Variants in VPS52 observed in about 807,000 individuals in gnomAD.
The protein encoded by VPS52 is VPS52 subunit of GARP complex.
In VPS52, 56 loss-of-function variants were observed where a neutral mutation model predicts 98.7. The ratio of observed to expected loss-of-function variants is 0.57; its 90% confidence interval spans 0.46 to 0.71. The LOEUF is 0.71. Among genes scored for constraint, VPS52 ranks in the 30% least tolerant of loss-of-function variants. The pLI is 0.00. For missense variants in VPS52, 742 were observed against 925.9 expected (o/e 0.80, Z 2.58); for synonymous variants, 348 against 346.4 (o/e 1.00, Z -0.05).
Position 33,250,596 on chromosome 6 carries a change from G to C in VPS52, c.*245C>G. 1 of 520,874 alleles carries C rather than the reference G, an allele frequency of 1.9e-6. No individual in the cohort carries two copies. The highest frequency in any genetic ancestry group is 3.4e-6 in the Non-Finnish European group (1 of 296,764). The allele number at this position is 520,874 out of a possible 1,614,324, so 32.3% of individuals were successfully genotyped here. ...GTGACAGACTGGAGAAATGATAAAG[G>C]CCATTTTGGAAGCCCACAGGGAAGT... On this transcript the variant is annotated 3_prime_UTR_variant, in exon 20 of 20. Transcript: ENST00000445902.
At chr6:33,263,286 C>G (rs1763853529) in intron 17 of VPS52, among the ~76,000 whole-genome samples, 198 bp downstream of exon 17, 1 of 142,784 alleles carries the variant, frequency 7.0e-6, no homozygotes, top group African/African-American at 2.7e-5. Flanking sequence ...AAAAAAAAAC[C>G]AAAGACAAAA....
rs1258226904 is a variant in VPS52, at chr6:33,264,045, G to A, written c.1583C>T (p.Pro528Leu). 6.2e-7 allele frequency: 1 copy of A among 1,614,232 alleles called. No individual in the cohort carries two copies. Among genetic ancestry groups the A allele is most frequent in the South Asian group, 1.1e-5 (1 of 91,092 alleles). ...SALVSINQTIPNERTMQLLGQ... is the reference protein window; with the variant it reads ...SALVSINQTILNERTMQLLGQ... ...CAGCAATTGCATGGTCCGTTCATTA[G>A]GAATTGTCTGGTTGATACTGACAAG... is the stretch of plus-strand genomic sequence containing the variant. The change falls in exon 15 of 20, where the codon CCT (proline) becomes CTT (leucine). Residue 528 changes from proline to leucine, a missense_variant. By Grantham distance (98) the Pro-to-Leu change is moderately conservative. Coordinates refer to ENST00000445902, the MANE Select transcript of VPS52 (RefSeq NM_022553.6).
chr6:33,257,425 A>C (rs1763114809), intron 17 of VPS52, among the ~76,000 whole-genome samples: 1 of 149,780 alleles, frequency 6.7e-6, no homozygotes, highest in Non-Finnish European at 1.5e-5. Context: ...TTTTAAACGG[A>C]GTCTCACTCT....
At chr6:33,261,030 C>T (rs1294546151) in intron 17 of VPS52, among the ~76,000 whole-genome samples, 2 of 151,678 alleles carry the variant, frequency 1.3e-5, no homozygotes, top group Non-Finnish European at 1.5e-5. Flanking sequence ...AGATTTTTCA[C>T]TTGAGGGCAG....
At chr6:33,265,001 T>A in intron 12 of VPS52, 101 bp from the exon 13 acceptor site, 2 of 1,007,194 alleles carry the variant, frequency 2.0e-6, no homozygotes, top group Non-Finnish European at 3.1e-6. Context: ...GATGATGCAC[T>A]GGACAGGACA....
At position 33,268,668 on chromosome 6, in the gene VPS52, T is replaced by G. The variant is rs1178619542; in HGVS notation, c.549-19A>C. On this transcript the variant is annotated intron_variant, in intron 6 of 19. Transcript: ENST00000445902. This position sits in a 1 kb window ranked among gnomAD's most constrained non-coding sequence, Gnocchi z 4.0. ...AATTGCCCTGGTTAGCAGGGAGGGG[T>G]GGGATGAGTTACAAGGGAGACCCAG... 1 of 1,585,718 alleles carries G rather than the reference T, an allele frequency of 6.3e-7. No individual in the cohort carries two copies. Among genetic ancestry groups the G allele is most frequent in the Non-Finnish European group, 8.5e-7 (1 of 1,171,218 alleles).
chr6:33,254,867 G>C (rs1394258963), intron 17 of VPS52: 2 of 151,704 alleles, frequency 1.3e-5, no homozygotes, highest in African/African-American at 4.8e-5. Flanking sequence ...GTAGAGATGG[G>C]GTTTCACCAT....
In VPS52 at chr6:33,256,463, C is replaced by CAAAAAAAAAAAAA. The variant is rs9280385; in HGVS notation, c.1795-4505_1795-4493dup. 6.6e-4 allele frequency among the ~76,000 whole-genome samples: 55 copies of CAAAAAAAAAAAAA among 83,732 alleles called. 2 individuals carry two copies. Among genetic ancestry groups the CAAAAAAAAAAAAA allele is most frequent in the Non-Finnish European group, 9.5e-4 (41 of 43,372 alleles). 54.9% of individuals were successfully genotyped at this position (83,732 alleles called of 152,430 possible). A position where few individuals can be genotyped will look rare whatever the true frequency, so the allele number is the denominator to read the frequency against. ...CTGAGTGACAGAGCAAAACCTGTCT[C>CAAAAAAAAAAAAA]AAAAAAAAAAAAAAAAAAAAAAAAA... On this transcript the variant is annotated intron_variant, in intron 17 of 19. Transcript: ENST00000445902.
In VPS52 at chr6:33,250,997, GA is replaced by G; in HGVS notation, c.2026-11del. The G allele has an allele frequency of 6.2e-7, 1 of 1,613,026 alleles. No homozygotes were observed. ...GCTGGGTCAGCGCTCCCTGGTCAAA[GA>G]AAGTCATTGAGGGATCAAACCGTAA... On this transcript the variant is annotated splice_polypyrimidine_tract_variant and intron_variant, in intron 19 of 19. Transcript: ENST00000445902.
chr6:33,261,206 G>A (rs942424994), intron 17 of VPS52, among the ~76,000 whole-genome samples: 1 of 152,022 alleles, frequency 6.6e-6, no homozygotes, highest in South Asian at 2.1e-4. Context: ...GGTAGCTCAC[G>A]CCTGTAATCC....
Position 33,268,704 on chromosome 6 carries a change from A to T in VPS52, c.549-55T>A. ...ACAAGGGAGACCCAGACATCCCTAA[A>T]CCAGACCCAGACCACACTCCTTACC... On this transcript the variant is annotated intron_variant, in intron 6 of 19. Coordinates refer to ENST00000445902, the MANE Select transcript of VPS52 (RefSeq NM_022553.6). This position sits in a 1 kb window ranked among gnomAD's most constrained non-coding sequence, Gnocchi z 4.0. 1 of 1,541,284 alleles carries T rather than the reference A, an allele frequency of 6.5e-7. No individual in the cohort carries two copies. Among genetic ancestry groups the T allele is most frequent in the Non-Finnish European group, 8.7e-7 (1 of 1,148,954 alleles).
chr6:33,260,709 C>T (rs984196433), intron 17 of VPS52, among the ~76,000 whole-genome samples: 2 of 151,862 alleles, frequency 1.3e-5, no homozygotes, highest in Non-Finnish European at 2.9e-5. Flanking sequence ...TCATTAAAAA[C>T]AGAATCTAGG....
At chr6:33,258,934 G>A (rs1484102655) in intron 17 of VPS52, among the ~76,000 whole-genome samples, 1 of 152,122 alleles carries the variant, frequency 6.6e-6, no homozygotes, top group Non-Finnish European at 1.5e-5. Flanking sequence ...TTGTATAGTT[G>A]TGGTGACGCT....
chr6:33,264,554 G>A (rs1764060078), intron 13 of VPS52, 57 bp from the exon 14 acceptor site: 1 of 1,608,320 alleles, frequency 6.2e-7, no homozygotes. Flanking sequence ...AGGGGGATGG[G>A]AGGGAGTGGG....
In VPS52 at chr6:33,268,992, A is replaced by T; in HGVS notation, c.548+22T>A. The T allele has an allele frequency of 6.2e-7, 1 of 1,611,008 alleles. No homozygotes were observed. The highest frequency in any genetic ancestry group is 8.5e-7 in the Non-Finnish European group (1 of 1,179,652). On this transcript the variant is annotated intron_variant, in intron 6 of 19. Coordinates refer to ENST00000445902, the MANE Select transcript of VPS52 (RefSeq NM_022553.6). This position sits in a 1 kb window ranked among gnomAD's most constrained non-coding sequence, Gnocchi z 4.0. Reference sequence around the variant, plus strand: ...CCATCCACCTGCTATGGACATTATAACCCTTCAAACTGGTAACTCACGTGA... The same window carrying T: ...CCATCCACCTGCTATGGACATTATATCCCTTCAAACTGGTAACTCACGTGA...
chr6:33,266,160 ATTTT>A (rs9280390), intron 12 of VPS52, among the ~76,000 whole-genome samples: 8 of 119,622 alleles, frequency 6.7e-5, no homozygotes, highest in Admixed American at 8.7e-5. Flanking sequence ...GCACCTGGCT[ATTTT>A]TTTTTTTTTT....
At position 33,269,118 on chromosome 6, in the gene VPS52, C is replaced by G; in HGVS notation, c.444G>C (p.Gln148His). Reference protein sequence around the residue: ...SSISSEIRTLQEQSGAMNIRL... With the variant: ...SSISSEIRTLHEQSGAMNIRL... ...GAATGTTCATGGCTCCTGACTGTTC[C>G]TGCAGTGTCCGGATCTCAGAGCTGA... Residue 148 changes from glutamine to histidine, a missense_variant, in exon 6 of 20, where the codon CAG becomes CAC. By Grantham distance (24) the Gln-to-His change is conservative. Coordinates refer to ENST00000445902, the MANE Select transcript of VPS52 (RefSeq NM_022553.6). 6.2e-7 allele frequency: 1 copy of G among 1,613,010 alleles called. No homozygotes were observed. Among genetic ancestry groups the G allele is most frequent in the South Asian group, 1.1e-5 (1 of 91,084 alleles).
intron 17 of VPS52, among the ~76,000 whole-genome samples, chr6:33,259,793 GCAAAGA>G (rs1763424205): frequency 6.6e-6 from 1 of 151,980 alleles, no homozygotes. Flanking sequence ...AAAAAAAATG[GCAAAGA>G]CCTGATAATA....
chr6:33,259,831 G>C (rs183615734), intron 17 of VPS52, among the ~76,000 whole-genome samples: 9 of 152,124 alleles, frequency 5.9e-5, no homozygotes, highest in African/African-American at 2.2e-4. Context: ...AGAAAATGTG[G>C]CTCAGTAGGA....
Sources: allele counts gnomAD v4.1 joint callset (sites outside exome capture counted in the v4.1 genomes callset), GRCh38; gene constraint gnomAD v4.1.1; non-coding constraint Gnocchi (gnomAD v3.1); transcripts MANE v1.5; gene names NCBI Gene and HGNC (gene_info 2026-07-23, HGNC 2026-07-21).